The following ARHGAP32 variants were observed in gnomAD, a reference collection of about 807,000 sequenced individuals.
ARHGAP32 encodes rho GTPase-activating protein 32.
A neutral mutation model predicts 186.5 loss-of-function variants in ARHGAP32; 51 were observed. The observed-to-expected ratio is 0.27, with a 90% confidence interval of 0.22 to 0.35. ARHGAP32 has a LOEUF of 0.35. Among genes scored for constraint, ARHGAP32 ranks in the 10% least tolerant of loss-of-function variants. The probability of loss-of-function intolerance (pLI) is 1.00; values close to 1 mark genes in which losing one functional copy is unlikely to be tolerated. For missense variants in ARHGAP32, 2,186 were observed against 2,623.5 expected (o/e 0.83, Z 3.64); for synonymous variants, 950 against 964.3 (o/e 0.99, Z 0.27).
At position 128,966,358 on chromosome 11, in the gene ARHGAP32, G is replaced by A. The variant is rs944435425; in HGVS notation, c.*2549C>T. The A allele has an allele frequency of 2.6e-5, 4 of 152,152 alleles. No homozygotes were observed. Among genetic ancestry groups the A allele is most frequent in the Non-Finnish European group, 5.9e-5 (4 of 68,038 alleles). The allele number at this position is 152,152 out of a possible 1,614,324, so 9.4% of individuals were successfully genotyped here. A position where few individuals can be genotyped will look rare whatever the true frequency, so the allele number is the denominator to read the frequency against. On this transcript the variant is annotated 3_prime_UTR_variant, in exon 23 of 23. Coordinates refer to ENST00000682385, the MANE Select transcript of ARHGAP32 (RefSeq NM_001378024.1). Reference sequence around the variant, plus strand: ...CAAGGTGGACTGTGCTGAGGTATCCGGCTCACAGTGATTTGCCATCCGGTT... The same window carrying A: ...CAAGGTGGACTGTGCTGAGGTATCCAGCTCACAGTGATTTGCCATCCGGTT...
rs79437124 is a variant in ARHGAP32, at chr11:129,192,262, G to A, written c.-64C>T. 4.0e-3 allele frequency: 4,754 copies of A among 1,179,078 alleles called. 28 individuals are homozygous for A. The highest frequency in any genetic ancestry group is 0.022 in the East Asian group (961 of 42,792). The allele number at this position is 1,179,078 out of a possible 1,614,324, so 73.0% of individuals were successfully genotyped here. A position where few individuals can be genotyped will look rare whatever the true frequency, so the allele number is the denominator to read the frequency against. ...ATGGAATAAAAAGCACCAACATTCA[G>A]GTTGTTCAGCTCTACTCATGTATAC... On this transcript the variant is annotated 5_prime_UTR_variant, in exon 1 of 23. Coordinates refer to ENST00000682385, the MANE Select transcript of ARHGAP32 (RefSeq NM_001378024.1).
At chr11:129,051,249 A>G (rs1591568012) in intron 10 of ARHGAP32, among the ~76,000 whole-genome samples, 1 of 152,010 alleles carries the variant, frequency 6.6e-6, no homozygotes, top group Non-Finnish European at 1.5e-5. Context: ...ACTAATTTAC[A>G]CTCCCGCCAA....
chr11:129,186,752 G>C (rs562809601), intron 1 of ARHGAP32, among the ~76,000 whole-genome samples: 1 of 152,094 alleles, frequency 6.6e-6, no homozygotes, highest in African/African-American at 2.4e-5. Flanking sequence ...GCAAACAAGC[G>C]TAGGAAAAAG....
intron 5 of ARHGAP32, among the ~76,000 whole-genome samples, chr11:129,098,126 C>T (rs566668567): frequency 5.6e-4 from 86 of 152,230 alleles, no homozygotes; most frequent in South Asian, 6.2e-4. Context: ...TCAGATGTTC[C>T]CAGATAAAGA....
intron 1 of ARHGAP32, among the ~76,000 whole-genome samples, chr11:129,253,901 T>C (rs1167408643): frequency 1.3e-5 from 2 of 152,170 alleles, no homozygotes; most frequent in Non-Finnish European, 2.9e-5. Flanking sequence ...CTGCCCATAA[T>C]ACAGTTATAT....
chr11:129,240,545 G>T (rs1290536655), intron 1 of ARHGAP32, among the ~76,000 whole-genome samples: 1 of 152,124 alleles, frequency 6.6e-6, no homozygotes, highest in Non-Finnish European at 1.5e-5. Flanking sequence ...TATTTATATT[G>T]CCTTGTGGTA....
rs1381434672 is a variant in ARHGAP32, at chr11:128,969,902, T to C, written c.5311A>G (p.Arg1771Gly). 4 of 1,614,084 alleles carry C rather than the reference T, an allele frequency of 2.5e-6. No individual in the cohort carries two copies. In the African/African-American group the frequency reaches 4.0e-5, roughly 16 times the overall value. ...MEKYRMQSIR[R>G]ESRARQKVKG... The stretch of plus-strand genomic sequence containing the variant: ...ACCTTCTGCCGAGCACGGCTCTCTC[T>C]CCGGATGGACTGCATGCGGTATTTT... The change falls in exon 23 of 23, where the codon AGA (arginine) becomes GGA (glycine). Residue 1771 changes from arginine (R) to glycine (G), a missense_variant. Arg to Gly is a moderately radical substitution (Grantham distance 125, BLOSUM62 -2). This residue lies in a region of ARHGAP32 where 1,502 missense variants were observed against 1,570.0 expected (regional missense o/e 0.96). Coordinates refer to ENST00000682385, the MANE Select transcript of ARHGAP32 (RefSeq NM_001378024.1). This position sits in a 1 kb window ranked among gnomAD's most constrained non-coding sequence, Gnocchi z 4.8.
chr11:129,207,973 G>A lies in ARHGAP32; in HGVS notation c.-4-43546C>T, dbSNP rs79732889. On this transcript the variant is annotated intron_variant, in intron 1 of 6. Coordinates refer to the ARHGAP32 transcript ENST00000525234. ...CTCCCACCATCTACAACATTTCTAC[G>A]TCCTCCCACACAATCCACTAAGAAG... Among the ~76,000 whole-genome samples the A allele has an allele frequency of 5.7e-4, 87 of 151,946 alleles. 2 individuals are homozygous for A. The East Asian group carries it at 0.013, about 22-fold the overall frequency.
intron 1 of ARHGAP32, among the ~76,000 whole-genome samples, chr11:129,218,492 T>C (rs1944672357): frequency 1.3e-5 from 2 of 152,076 alleles, no homozygotes; most frequent in Non-Finnish European, 2.9e-5. Flanking sequence ...AAAATCCTAC[T>C]TGTCCTAAAT....
intron 1 of ARHGAP32, among the ~76,000 whole-genome samples, chr11:129,233,287 T>TA (rs963448733): frequency 2.0e-5 from 3 of 152,132 alleles, no homozygotes; most frequent in Non-Finnish European, 4.4e-5. Context: ...GGTCACATAT[T>TA]AAAGACTTCT....
chr11:129,262,431 T>C (rs1336974078), intron 1 of ARHGAP32, among the ~76,000 whole-genome samples: 4 of 152,058 alleles, frequency 2.6e-5, no homozygotes, highest in Non-Finnish European at 5.9e-5. Context: ...TCGCTCAGAC[T>C]ATAGTGCAGT....
Position 129,066,262 on chromosome 11 carries a change from G to A in ARHGAP32, c.669+469C>T, listed in dbSNP as rs76596778. 8.6e-3 allele frequency among the ~76,000 whole-genome samples: 1,305 copies of A among 152,042 alleles called. 16 individuals carry two copies. Among genetic ancestry groups the A allele is most frequent in the Middle Eastern group, 0.041 (12 of 294 alleles). ...CTTTTTAAGATTCCTTACAATTTTTGATTCCCAATGGTACTTTTGGTTTAA... is the reference window on the plus strand; with the variant it reads ...CTTTTTAAGATTCCTTACAATTTTTAATTCCCAATGGTACTTTTGGTTTAA... On this transcript the variant is annotated intron_variant, in intron 7 of 22. Coordinates refer to ENST00000682385, the MANE Select transcript of ARHGAP32 (RefSeq NM_001378024.1).
chr11:129,185,795 A>G (rs1944148183), intron 1 of ARHGAP32, among the ~76,000 whole-genome samples: 1 of 152,098 alleles, frequency 6.6e-6, no homozygotes, highest in Non-Finnish European at 1.5e-5. Flanking sequence ...AGAGAGAACC[A>G]TGATTTAAAA....
chr11:129,060,281 T>G (rs1940435977), intron 10 of ARHGAP32, among the ~76,000 whole-genome samples: 3 of 152,070 alleles, frequency 2.0e-5, no homozygotes, highest in Non-Finnish European at 2.9e-5. Flanking sequence ...AACCCTCTGA[T>G]TTTAAGAAGA....
intron 1 of ARHGAP32, among the ~76,000 whole-genome samples, chr11:129,224,899 G>A (rs1050614683): frequency 2.6e-5 from 4 of 151,886 alleles, no homozygotes; most frequent in Admixed American, 6.6e-5. Flanking sequence ...ATCATTTAAG[G>A]TCAGGGGTTT....
In ARHGAP32 at chr11:128,981,915, T is replaced by C. The variant is rs760922210; in HGVS notation, c.1548A>G (p.Arg516=). ...PHYRTLEFLM[R]HLSLLADYCS... ...AATAGTCAGCTAGAAGAGACAAGTG[T>C]CTCATCAGGAACTCCAGTGTTCTGG... The change falls in exon 16 of 23, where the codon AGA becomes AGG. Residue 516 remains arginine (R), a synonymous_variant. Coordinates refer to ENST00000682385, the MANE Select transcript of ARHGAP32 (RefSeq NM_001378024.1). The C allele has an allele frequency of 6.2e-7, 1 of 1,609,878 alleles. No individual in the cohort carries two copies. Among genetic ancestry groups the C allele is most frequent in the South Asian group, 1.1e-5 (1 of 90,188 alleles).
chr11:129,111,220 A>G (rs1165521960), intron 5 of ARHGAP32, among the ~76,000 whole-genome samples: 3 of 152,136 alleles, frequency 2.0e-5, no homozygotes, highest in African/African-American at 7.2e-5. Context: ...GTGATGTATC[A>G]TGTTTATTGA....
chr11:129,271,794 A>G (rs1945475945), intron 1 of ARHGAP32, among the ~76,000 whole-genome samples: 1 of 152,210 alleles, frequency 6.6e-6, no homozygotes, highest in South Asian at 2.1e-4. Context: ...AATGCTGGTG[A>G]GAGAGGTCAA....
chr11:129,255,337 A>T (rs1288084222), intron 1 of ARHGAP32, among the ~76,000 whole-genome samples: 1 of 152,134 alleles, frequency 6.6e-6, no homozygotes, highest in Non-Finnish European at 1.5e-5. Context: ...TCTCATGTGA[A>T]AATAAGGTAC....
Sources: gnomAD v4.1 joint callset for allele counts (sites outside exome capture counted in the v4.1 genomes callset) on GRCh38, gnomAD v4.1.1 for gene constraint, gnomAD v4.1.1 regional missense constraint, Gnocchi (gnomAD v3.1) non-coding constraint, MANE v1.5 for transcripts, NCBI Gene and HGNC (gene_info 2026-07-23, HGNC 2026-07-21) for gene names.